The following PTPRM variants were observed in gnomAD, a reference collection of about 807,000 sequenced individuals.
The protein encoded by PTPRM is receptor-type tyrosine-protein phosphatase mu.
In PTPRM, 47 loss-of-function variants were observed where a neutral mutation model predicts 186.7. That is an observed-to-expected ratio of 0.25 (90% confidence interval 0.20 to 0.32). PTPRM has a LOEUF of 0.32. Among genes scored for constraint, PTPRM ranks in the 10% least tolerant of loss-of-function variants. The pLI is 1.00. For missense variants in PTPRM, 1,494 were observed against 1,865.0 expected (o/e 0.80, Z 3.66); for synonymous variants, 668 against 674.9 (o/e 0.99, Z 0.16).
intron 19 of PTPRM, among the ~76,000 whole-genome samples, chr18:8,267,546 A>T (rs1389288723): frequency 1.3e-5 from 2 of 152,128 alleles, no homozygotes; most frequent in Non-Finnish European, 2.9e-5. Flanking sequence ...TTATTTTTAC[A>T]CTTAATATTA....
chr18:8,282,143 T>C (rs187112285), intron 19 of PTPRM, among the ~76,000 whole-genome samples: 18 of 152,230 alleles, frequency 1.2e-4, no homozygotes, highest in Admixed American at 1.0e-3. Flanking sequence ...CCAAAGAGAA[T>C]GTACAGATGA....
chr18:8,181,722 C>T (rs2093577643), intron 14 of PTPRM, among the ~76,000 whole-genome samples: 1 of 152,176 alleles, frequency 6.6e-6, no homozygotes, highest in South Asian at 2.1e-4. Context: ...CTGAGGGTCT[C>T]TGAGGGAAGA....
intron 19 of PTPRM, among the ~76,000 whole-genome samples, chr18:8,260,559 G>C (rs777016563): frequency 6.6e-6 from 1 of 152,074 alleles, no homozygotes; most frequent in Non-Finnish European, 1.5e-5. Context: ...ATTCATGAGG[G>C]ATCTACTCCC....
At chr18:7,919,767 T>C (rs537267117) in intron 4 of PTPRM, among the ~76,000 whole-genome samples, 1 of 152,280 alleles carries the variant, frequency 6.6e-6, no homozygotes, top group East Asian at 1.9e-4. Context: ...TGTTTCTTTG[T>C]TGACTTTCTG....
intron 14 of PTPRM, among the ~76,000 whole-genome samples, chr18:8,218,616 G>A (rs547650723): frequency 3.9e-5 from 6 of 152,242 alleles, no homozygotes; most frequent in African/African-American, 1.4e-4. Context: ...CATGGGAGAG[G>A]GTCAGTGTAG....
intron 14 of PTPRM, among the ~76,000 whole-genome samples, chr18:8,162,232 T>C (rs1275475429): frequency 6.6e-6 from 1 of 151,974 alleles, no homozygotes; most frequent in African/African-American, 2.4e-5. Flanking sequence ...CCTGAGTATC[T>C]AGGATTACAG....
At chr18:8,315,895 A>G (rs2095305608) in intron 21 of PTPRM, among the ~76,000 whole-genome samples, 1 of 152,204 alleles carries the variant, frequency 6.6e-6, no homozygotes, top group African/African-American at 2.4e-5. Flanking sequence ...TCTCTCATTC[A>G]TCAAACGAAG....
intron 7 of PTPRM, among the ~76,000 whole-genome samples, chr18:7,969,004 A>G (rs2054340376): frequency 1.3e-5 from 1 of 75,262 alleles, no homozygotes; most frequent in Non-Finnish European, 2.6e-5. Flanking sequence ...CGGAATATAC[A>G]TTTTTTTCAG....
chr18:8,309,044 C>A (rs2095248036), intron 20 of PTPRM, among the ~76,000 whole-genome samples: 1 of 152,224 alleles, frequency 6.6e-6, no homozygotes, highest in Non-Finnish European at 1.5e-5. Flanking sequence ...ATTTTCATTA[C>A]TAAATAGCAT....
chr18:8,214,467 C>A (rs971266082), intron 14 of PTPRM, among the ~76,000 whole-genome samples: 1 of 152,038 alleles, frequency 6.6e-6, no homozygotes, highest in East Asian at 1.9e-4. Context: ...TTAGTTATTA[C>A]CGATGATGGC....
At chr18:7,867,336 T>C (rs1452289212) in intron 2 of PTPRM, among the ~76,000 whole-genome samples, 5 of 152,208 alleles carry the variant, frequency 3.3e-5, no homozygotes, top group Admixed American at 1.3e-4. Flanking sequence ...TGGCTGGTAC[T>C]GGTTGTTCCT....
intron 9 of PTPRM, among the ~76,000 whole-genome samples, chr18:8,083,344 C>T (rs1207954541): frequency 6.6e-6 from 1 of 152,122 alleles, no homozygotes; most frequent in Non-Finnish European, 1.5e-5. Context: ...GGAACCACAC[C>T]GACCTCCTTT....
intron 1 of PTPRM, among the ~76,000 whole-genome samples, chr18:7,600,521 C>T (rs1280548060): frequency 1.3e-5 from 2 of 152,220 alleles, no homozygotes; most frequent in African/African-American, 4.8e-5. Flanking sequence ...CACCAGACCT[C>T]ATCAGTCTGT....
chr18:7,812,602 G>A (rs1379552515), intron 2 of PTPRM, among the ~76,000 whole-genome samples: 2 of 152,196 alleles, frequency 1.3e-5, no homozygotes, highest in Admixed American at 6.5e-5. Flanking sequence ...GGATTGTCAT[G>A]GCAGTGTGTG....
intron 30 of PTPRM, among the ~76,000 whole-genome samples, chr18:8,385,389 G>T (rs756725007): frequency 6.6e-6 from 1 of 152,252 alleles, no homozygotes; most frequent in Non-Finnish European, 1.5e-5. Context: ...AGGAAAAGAA[G>T]TACTGGGGTT....
chr18:7,880,011 A>G (rs562741061), intron 2 of PTPRM, among the ~76,000 whole-genome samples: 2 of 152,194 alleles, frequency 1.3e-5, no homozygotes, highest in Non-Finnish European at 2.9e-5. Context: ...ACATGGTGGC[A>G]GGAGAGAGAA....
intron 1 of PTPRM, among the ~76,000 whole-genome samples, chr18:7,615,638 G>A (rs1015627779): frequency 2.6e-5 from 4 of 152,080 alleles, no homozygotes; most frequent in Non-Finnish European, 5.9e-5. Flanking sequence ...CTGTAAGGTG[G>A]CAGGCCTCAA....
chr18:8,187,060 C>A (rs879380861), intron 14 of PTPRM, among the ~76,000 whole-genome samples: 1 of 152,042 alleles, frequency 6.6e-6, no homozygotes, highest in East Asian at 1.9e-4. Context: ...GTCTGTCAGC[C>A]TCCCGAGTAG....
At chr18:7,885,593 C>T (rs2048744387) in intron 2 of PTPRM, among the ~76,000 whole-genome samples, 1 of 152,134 alleles carries the variant, frequency 6.6e-6, no homozygotes, top group Non-Finnish European at 1.5e-5. Flanking sequence ...TCTAGTAATC[C>T]TCTATGAGTT....
Sources: gnomAD v4.1 joint callset for allele counts (sites outside exome capture counted in the v4.1 genomes callset) on GRCh38, gnomAD v4.1.1 for gene constraint, MANE v1.5 for transcripts, NCBI Gene and HGNC (gene_info 2026-07-23, HGNC 2026-07-21) for gene names.